The following FLNC variants were observed in gnomAD, a reference collection of about 807,000 sequenced individuals.
The protein encoded by FLNC is filamin C, also known as filamin-C.
In FLNC, 91 loss-of-function variants were observed where a neutral mutation model predicts 254.3. That is an observed-to-expected ratio of 0.36 (90% CI 0.30 to 0.43). FLNC has a LOEUF of 0.43. Among genes scored for constraint, FLNC ranks in the 20% least tolerant of loss-of-function variants. The probability of loss-of-function intolerance (pLI) is 1.00; values close to 1 mark genes in which losing one functional copy is unlikely to be tolerated. For synonymous variants in FLNC, 1,430 were observed against 1,577.2 expected, an observed-to-expected ratio of 0.91 and a Z score of 2.21; for missense variants, 2,853 against 3,802.6, an observed-to-expected ratio of 0.75 and a Z score of 6.57.
intron 31 of FLNC, 40 bp downstream of exon 31, chr7:128,850,114 C>T: frequency 7.0e-7 from 1 of 1,419,228 alleles, no homozygotes; most frequent in Non-Finnish European, 9.6e-7. Context: ...CCTCCTCCTC[C>T]CCTTCCTTCA....
intron 1 of FLNC, 69 bp downstream of exon 1, chr7:128,831,058 GC>G: frequency 2.1e-6 from 3 of 1,454,116 alleles, no homozygotes; most frequent in Non-Finnish European, 2.8e-6. Context: ...GGGCACAGGT[GC>G]GGGGTGGGCG....
rs769643482 is a variant in FLNC, at chr7:128,849,993, G to A, written c.5217G>A (p.Pro1739=). ...CTCCCCAGGCGTGTGACCCCCTGCCGCACGAGGAGGAGCCCTCTGAAGTGC... is the reference window on the plus strand; with the variant it reads ...CTCCCCAGGCGTGTGACCCCCTGCCACACGAGGAGGAGCCCTCTGAAGTGC... The part of the protein sequence containing the change: ...PFHVLACDPL[P]HEEEPSEVPQ... Residue 1739 remains proline (P), a synonymous_variant, in exon 31 of 48, where the codon CCG becomes CCA. Coordinates refer to ENST00000325888, the MANE Select transcript of FLNC (RefSeq NM_001458.5). 2.5e-5 allele frequency: 39 copies of A among 1,585,716 alleles called. No individual in the cohort carries two copies. The East Asian group carries it at 4.8e-4, about 19-fold the overall frequency.
intron 33 of FLNC, 111 bp from the exon 34 acceptor site, chr7:128,851,121 A>ACGGCACAGACGGAGGGGGT: frequency 6.4e-7 from 1 of 1,571,810 alleles, no homozygotes; most frequent in Non-Finnish European, 8.7e-7. Flanking sequence ...CTGGGTCCCT[A>ACGGCACAGACGGAGGGGGT]CGGCACAGAC....
At chr7:128,854,718 A>T in intron 41 of FLNC, 36 bp downstream of exon 41, 1 of 1,612,988 alleles carries the variant, frequency 6.2e-7, no homozygotes, top group Non-Finnish European at 8.5e-7. Flanking sequence ...GGATGAAGTC[A>T]GGGCAGCCAG....
chr7:128,838,934 G>A, intron 8 of FLNC, 131 bp downstream of exon 8: 1 of 790,160 alleles, frequency 1.3e-6, no homozygotes, highest in Non-Finnish European at 2.1e-6. Context: ...CCCCAAGGTG[G>A]CTGGAGTTCC....
chr7:128,854,573 C>T lies in FLNC; in HGVS notation c.6888C>T (p.His2296=), dbSNP rs375259002. The T allele has an allele frequency of 3.0e-4, 483 of 1,609,222 alleles. No individual in the cohort carries two copies. The highest frequency in any genetic ancestry group is 1.0e-3 in the Middle Eastern group (6 of 5,984). ...TCGCTGTCAAGTACCGTGGCCAGCA[C>T]GTGCCCGGCAGCCCCTTTCAGTTCA... ...HTVAVKYRGQ[H]VPGSPFQFTV... is the part of the protein sequence containing the mutation. Residue 2296 remains histidine (H), a synonymous_variant, in exon 41 of 48, where the codon CAC becomes CAT. Coordinates refer to ENST00000325888, the MANE Select transcript of FLNC (RefSeq NM_001458.5).
Position 128,830,590 on chromosome 7 carries a change from G to A in FLNC, c.-48G>A. Reference sequence around the variant, plus strand: ...CAACAGCGCCCGACAGCCCCCGATAGCCCAAACCGCGGCCCTAGCCCCGGC... The same window carrying A: ...CAACAGCGCCCGACAGCCCCCGATAACCCAAACCGCGGCCCTAGCCCCGGC... On this transcript the variant is annotated 5_prime_UTR_variant, in exon 1 of 48. Coordinates refer to ENST00000325888, the MANE Select transcript of FLNC (RefSeq NM_001458.5). 14 of 1,566,296 alleles carry A rather than the reference G, an allele frequency of 8.9e-6. No individual in the cohort carries two copies. Among genetic ancestry groups the A allele is most frequent in the Non-Finnish European group, 1.2e-5 (14 of 1,143,778 alleles).
At position 128,857,389 on chromosome 7, in the gene FLNC, G is replaced by A; in HGVS notation, c.7780+53G>A. ...CCAGCCTGCAGCCCAGCCCAGCCTG[G>A]AGGGCTCCGGTGGCCACGCACATCT... On this transcript the variant is annotated intron_variant, in intron 46 of 47. Coordinates refer to ENST00000325888, the MANE Select transcript of FLNC (RefSeq NM_001458.5). The surrounding 1 kb of genome is among the most constrained non-coding windows in gnomAD (Gnocchi z 4.5). The A allele has an allele frequency of 7.6e-7, 1 of 1,323,738 alleles. No individual in the cohort carries two copies. The highest frequency in any genetic ancestry group is 1.1e-6 in the Non-Finnish European group (1 of 926,708). The allele number at this position is 1,323,738 out of a possible 1,614,324, so 82.0% of individuals were successfully genotyped here.
At position 128,838,083 on chromosome 7, in the gene FLNC, C is replaced by G. The variant is rs1170833308; in HGVS notation, c.1047+19C>G. The stretch of plus-strand genomic sequence containing the variant: ...ACACAAGGTATCTCCCTCTAGGCCC[C>G]CCTGCCTGCGCTGCTCTTCACATCC... On this transcript the variant is annotated intron_variant, in intron 6 of 47. Transcript: ENST00000325888. 1 of 1,604,392 alleles carries G rather than the reference C, an allele frequency of 6.2e-7. No individual in the cohort carries two copies. The highest frequency in any genetic ancestry group is 1.7e-5 in the Admixed American group (1 of 60,010).
Position 128,848,573 on chromosome 7 carries a change from C to G in FLNC, c.4593C>G (p.Ile1531Met), listed in dbSNP as rs371988433. ...TCTGCTCCTCAAGCCCCTTCAAGAT[C>G]AAGGTCCTCCCAGCTCATGATGCCA... is the stretch of plus-strand genomic sequence containing the variant. ...DQEVPRSPFK[I>M]KVLPAHDASK... The change falls in exon 27 of 48, where the codon ATC becomes ATG. Residue 1531 changes from isoleucine (I) to methionine (M), a missense_variant. Ile to Met is a conservative substitution (Grantham distance 10). This residue lies in a region of FLNC where 1,573 missense variants were observed against 1,883.5 expected (regional missense o/e 0.84). Transcript: ENST00000325888. 2 of 1,613,984 alleles carry G rather than the reference C, an allele frequency of 1.2e-6. No homozygotes were observed. Among genetic ancestry groups the G allele is most frequent in the Non-Finnish European group, 1.7e-6 (2 of 1,180,036 alleles).
chr7:128,843,108 G>A, intron 16 of FLNC, 121 bp from the exon 17 acceptor site: 1 of 1,360,536 alleles, frequency 7.4e-7, no homozygotes, highest in Non-Finnish European at 1.0e-6. Context: ...AGCAAAGGGG[G>A]CCCTTTTGGA....
In FLNC at chr7:128,837,154, C is replaced by T. The variant is rs1263136940; in HGVS notation, c.602-6C>T. 19 of 1,589,368 alleles carry T rather than the reference C, an allele frequency of 1.2e-5. No individual in the cohort carries two copies. Among genetic ancestry groups the T allele is most frequent in the Admixed American group, 1.7e-5 (1 of 57,962 alleles). On this transcript the variant is annotated splice_polypyrimidine_tract_variant and splice_region_variant and intron_variant, in intron 2 of 47. Transcript: ENST00000325888. ...TCACCATCGTCTCCCTCCATCACCT[C>T]TCCAGGTCTCTGCCCCGACTGGGAG...
rs1199614964 is a variant in FLNC at position 128,842,114 on chromosome 7, T to TG, written c.2122-112dup. ...GCTCTGGTGGCCTCAGTGGCTGGTG[T>TG]GGGGGCGGGAGTGCCAGTGTTGGGG... On this transcript the variant is annotated intron_variant, in intron 13 of 47. Coordinates refer to ENST00000325888, the MANE Select transcript of FLNC (RefSeq NM_001458.5). This position sits in a 1 kb window ranked among gnomAD's most constrained non-coding sequence, Gnocchi z 5.4. 5.7e-6 allele frequency: 6 copies of TG among 1,052,374 alleles called. No individual in the cohort carries two copies. Among genetic ancestry groups the TG allele is most frequent in the African/African-American group, 1.8e-5 (1 of 57,108 alleles). The allele number at this position is 1,052,374 out of a possible 1,614,324, so 65.2% of individuals were successfully genotyped here.
At position 128,854,018 on chromosome 7, in the gene FLNC, A is replaced by G. The variant is rs1285672775; in HGVS notation, c.6529A>G (p.Thr2177Ala). 1 of 1,613,014 alleles carries G rather than the reference A, an allele frequency of 6.2e-7. No individual in the cohort carries two copies. Among genetic ancestry groups the G allele is most frequent in the Admixed American group, 1.7e-5 (1 of 60,008 alleles). The change falls in exon 40 of 48, where the codon ACC becomes GCC. Residue 2177 changes from threonine (T) to alanine (A), a missense_variant. Around this residue, in one of 10 missense-constraint regions of FLNC, gnomAD observed 551 missense variants for 835.0 expected, o/e 0.66. Transcript: ENST00000325888. ...MVSAQERLTR[T>A]FTRSSHTYTR... ...GTCTGCCCAGGAGCGCCTGACACGC[A>G]CCTTCACACGCAGCAGCCACACCTA...
chr7:128,838,988 G>A (rs1808219629), intron 8 of FLNC, among the ~76,000 whole-genome samples, 185 bp downstream of exon 8: 1 of 152,184 alleles, frequency 6.6e-6, no homozygotes, highest in Admixed American at 6.5e-5. Flanking sequence ...CCCAGAACAT[G>A]TGCCACCCTG....
rs770861991 is a variant in FLNC, at chr7:128,830,777, A to G, written c.140A>G (p.Asn47Ser). The change falls in exon 1 of 48, where the codon AAT becomes AGT. Residue 47 changes from asparagine to serine, a missense_variant. Asn to Ser is a conservative substitution (Grantham distance 46, BLOSUM62 1). Around this residue, in one of 10 missense-constraint regions of FLNC, gnomAD observed 13 missense variants for 37.8 expected, o/e 0.34. Coordinates refer to ENST00000325888, the MANE Select transcript of FLNC (RefSeq NM_001458.5). The part of the protein sequence containing the change: ...IQQNTFTRWC[N>S]EHLKCVGKRL... ...CAGAACACATTCACGCGCTGGTGCA[A>G]TGAGCACCTCAAGTGCGTGGGCAAG... is the stretch of plus-strand genomic sequence containing the variant. 3.2e-5 allele frequency: 52 copies of G among 1,613,052 alleles called. No individual in the cohort carries two copies. Among genetic ancestry groups the G allele is most frequent in the Non-Finnish European group, 4.2e-5 (49 of 1,179,950 alleles).
Position 128,850,437 on chromosome 7 carries a change from C to T in FLNC, c.5352C>T (p.Pro1784=), listed in dbSNP as rs775978179. The T allele has an allele frequency of 1.2e-6, 2 of 1,614,094 alleles. No homozygotes were observed. Among genetic ancestry groups the T allele is most frequent in the Admixed American group, 1.7e-5 (1 of 60,036 alleles). The change falls in exon 32 of 48, where the codon CCC becomes CCT. Residue 1784 remains proline, a synonymous_variant. Transcript: ENST00000325888. ...AGCCAATGGAGTCCATGCTGAGGCC[C>T]TTCAACCTGGTCATCCCCTTCGCGG... ...PVEPMESMLR[P]FNLVIPFAVQ... is the part of the protein sequence containing the mutation.
intron 1 of FLNC, among the ~76,000 whole-genome samples, chr7:128,834,770 A>C (rs76265380): frequency 0.015 from 2,215 of 152,270 alleles, 64 homozygotes; most frequent in African/African-American, 0.051. Flanking sequence ...AGAGCAGATC[A>C]GTTGTTGCTT....
rs147849759 is a variant in FLNC, at chr7:128,857,961, A to G, written c.7781-47A>G. ...GAGGGTCCCCTGCCTGGGGAAGAAC[A>G]GGAAGCCCTTCTGACTAGGTTTGTG... On this transcript the variant is annotated intron_variant, in intron 46 of 47. Transcript: ENST00000325888. This position sits in a 1 kb window ranked among gnomAD's most constrained non-coding sequence, Gnocchi z 4.5. The G allele has an allele frequency of 8.0e-3, 10,949 of 1,373,352 alleles. 206 individuals carry two copies. The highest frequency in any genetic ancestry group is 0.065 in the African/African-American group (4,456 of 68,740). 85.1% of individuals were successfully genotyped at this position (1,373,352 alleles called of 1,614,324 possible). A position where few individuals can be genotyped will look rare whatever the true frequency, so the allele number is the denominator to read the frequency against.
Sources: gnomAD v4.1 joint callset for allele counts (sites outside exome capture counted in the v4.1 genomes callset) on GRCh38, gnomAD v4.1.1 for gene constraint, gnomAD v4.1.1 regional missense constraint, Gnocchi (gnomAD v3.1) non-coding constraint, MANE v1.5 for transcripts, NCBI Gene and HGNC (gene_info 2026-07-23, HGNC 2026-07-21) for gene names.